Variants in CACNA2D3 observed in about 807,000 individuals in gnomAD.
The protein encoded by CACNA2D3 is voltage-dependent calcium channel subunit alpha-2/delta-3.
A neutral mutation model predicts 160.6 loss-of-function variants in CACNA2D3; 60 were observed. The ratio of observed to expected loss-of-function variants is 0.37; its 90% confidence interval spans 0.30 to 0.46. CACNA2D3 has a LOEUF of 0.46. Ranked by LOEUF, CACNA2D3 falls within the 20% of genes least tolerant of loss-of-function variation. The probability of loss-of-function intolerance (pLI) is 1.00; values close to 1 mark genes in which losing one functional copy is unlikely to be tolerated. For missense variants in CACNA2D3, 1,205 were observed against 1,365.0 expected (o/e 0.88, Z 1.85); for synonymous variants, 558 against 492.9 (o/e 1.13, Z -1.75).
rs192809350 is a variant in CACNA2D3 at position 54,781,637 on chromosome 3, C to T, written c.1380+17286C>T. Among the ~76,000 whole-genome samples, 97 of 152,296 alleles carry T rather than the reference C, an allele frequency of 6.4e-4. 1 individual carries two copies. The highest frequency in any genetic ancestry group is 5.2e-4 in the Admixed American group (8 of 15,300). On this transcript the variant is annotated intron_variant, in intron 13 of 37. Coordinates refer to ENST00000474759, the MANE Select transcript of CACNA2D3 (RefSeq NM_018398.3). ...TTGCAGTGAACAATCCAAGCCAATT[C>T]GGTAATTTGTACATGTTAAAATATT...
intron 35 of CACNA2D3, among the ~76,000 whole-genome samples, chr3:55,056,428 G>T (rs541738110): frequency 6.6e-6 from 1 of 152,068 alleles, no homozygotes; most frequent in Non-Finnish European, 1.5e-5. Context: ...TAGAATTACC[G>T]TAAGTTGTAG....
intron 27 of CACNA2D3, among the ~76,000 whole-genome samples, chr3:54,907,833 C>T (rs1487676082): frequency 6.6e-6 from 1 of 152,062 alleles, no homozygotes; most frequent in Non-Finnish European, 1.5e-5. Context: ...AATATGTGCC[C>T]TTTTGTGACA....
At chr3:54,411,779 A>G (rs1699672180) in intron 4 of CACNA2D3, among the ~76,000 whole-genome samples, 1 of 152,230 alleles carries the variant, frequency 6.6e-6, no homozygotes, top group Non-Finnish European at 1.5e-5. Flanking sequence ...ACGTCATGCT[A>G]AACAAAGGGG....
rs781374820 is a variant in CACNA2D3, at chr3:54,822,802, T to TCCTTCCTTC, written c.1398+5933_1398+5934insCTTCCTTCC. ...TCTTTCTTTCTTTCCTTTCTTTCTT[T>TCCTTCCTTC]CTTTCTTTCTTTCTTTCTTTCTTTC... On this transcript the variant is annotated intron_variant, in intron 14 of 37. Transcript: ENST00000474759. Among the ~76,000 whole-genome samples the TCCTTCCTTC allele has an allele frequency of 1.5e-4, 14 of 92,450 alleles. 1 individual carries two copies. Among genetic ancestry groups the TCCTTCCTTC allele is most frequent in the Non-Finnish European group, 2.6e-4 (12 of 46,970 alleles). The allele number at this position is 92,450 out of a possible 152,430, so 60.7% of individuals were successfully genotyped here.
At chr3:54,354,286 A>G (rs930477709) in intron 3 of CACNA2D3, among the ~76,000 whole-genome samples, 8 of 152,174 alleles carry the variant, frequency 5.3e-5, no homozygotes, top group African/African-American at 1.2e-4. Flanking sequence ...CCAGTTTGCT[A>G]TTGTTTTAAG....
At chr3:54,664,818 C>T (rs555756137) in intron 11 of CACNA2D3, among the ~76,000 whole-genome samples, 1 of 152,252 alleles carries the variant, frequency 6.6e-6, no homozygotes. Context: ...AAGGAGGGAG[C>T]ATGGGGCAAA....
chr3:54,310,748 C>T (rs7616024), intron 2 of CACNA2D3, among the ~76,000 whole-genome samples: 3,014 of 152,266 alleles, frequency 0.02, 46 homozygotes, highest in Admixed American at 0.054. Flanking sequence ...TTACTTCTCC[C>T]ATCACCATTA....
At chr3:54,644,009 T>C (rs566438159) in intron 11 of CACNA2D3, among the ~76,000 whole-genome samples, 35 of 152,126 alleles carry the variant, frequency 2.3e-4, no homozygotes, top group Non-Finnish European at 4.6e-4. Flanking sequence ...AGCAAGTGTT[T>C]TTTCATGTGA....
intron 2 of CACNA2D3, among the ~76,000 whole-genome samples, chr3:54,148,860 C>T (rs1700087877): frequency 6.6e-6 from 1 of 151,560 alleles, no homozygotes; most frequent in Non-Finnish European, 1.5e-5. Context: ...ATCTGTAATC[C>T]CAGCTACTCA....
intron 2 of CACNA2D3, among the ~76,000 whole-genome samples, chr3:54,192,758 G>T (rs1191401964): frequency 6.6e-6 from 1 of 152,054 alleles, no homozygotes; most frequent in East Asian, 1.9e-4. Context: ...TGCCCTCCAG[G>T]TATCTCAGCC....
At chr3:55,050,814 C>T (rs358466) in intron 35 of CACNA2D3, among the ~76,000 whole-genome samples, 7,172 of 111,204 alleles carry the variant, frequency 0.064, 980 homozygotes, top group African/African-American at 0.28. Flanking sequence ...TTTTTATTCT[C>T]TTTTCTCTAA....
intron 2 of CACNA2D3, among the ~76,000 whole-genome samples, chr3:54,247,483 G>A (rs1702103306): frequency 6.6e-6 from 1 of 152,010 alleles, no homozygotes; most frequent in African/African-American, 2.4e-5. Flanking sequence ...AAATATTTTA[G>A]AAATAAAGAT....
intron 27 of CACNA2D3, among the ~76,000 whole-genome samples, chr3:54,950,513 G>T (rs1701732011): frequency 6.6e-6 from 1 of 152,172 alleles, no homozygotes; most frequent in African/African-American, 2.4e-5. Context: ...AAGATGCTTT[G>T]TGCAAGAAGA....
At chr3:54,240,828 G>C (rs1414024873) in intron 2 of CACNA2D3, among the ~76,000 whole-genome samples, 1 of 152,044 alleles carries the variant, frequency 6.6e-6, no homozygotes, top group Non-Finnish European at 1.5e-5. Flanking sequence ...TGCGTCTTCT[G>C]CCTCCCAGGT....
intron 2 of CACNA2D3, among the ~76,000 whole-genome samples, chr3:54,162,912 A>C (rs1700374265): frequency 6.6e-6 from 1 of 152,338 alleles, no homozygotes; most frequent in African/African-American, 2.4e-5. Context: ...AAGAACAATA[A>C]ATAGGGTAAG....
At chr3:54,558,904 T>C (rs1233520603) in intron 5 of CACNA2D3, among the ~76,000 whole-genome samples, 1 of 152,172 alleles carries the variant, frequency 6.6e-6, no homozygotes, top group African/African-American at 2.4e-5. Flanking sequence ...CCTGGTGCTA[T>C]AGTTTCCACT....
At chr3:54,156,455 G>A (rs913354909) in intron 2 of CACNA2D3, among the ~76,000 whole-genome samples, 13 of 152,186 alleles carry the variant, frequency 8.5e-5, no homozygotes, top group African/African-American at 2.4e-4. Flanking sequence ...GAAGGTGAGC[G>A]GATGTGAAGT....
chr3:54,797,085 T>A (rs1389602273), intron 13 of CACNA2D3, among the ~76,000 whole-genome samples: 1 of 152,194 alleles, frequency 6.6e-6, no homozygotes, highest in Non-Finnish European at 1.5e-5. Context: ...TGGACTGTTG[T>A]CATCAGACCA....
chr3:55,037,063 G>T (rs371228000), intron 35 of CACNA2D3, among the ~76,000 whole-genome samples: 1 of 152,030 alleles, frequency 6.6e-6, no homozygotes. Context: ...GGATCTCCTC[G>T]TGTATAACAC....
Sources: allele counts gnomAD v4.1 joint callset (sites outside exome capture counted in the v4.1 genomes callset), GRCh38; gene constraint gnomAD v4.1.1; transcripts MANE v1.5; gene names NCBI Gene and HGNC (gene_info 2026-07-23, HGNC 2026-07-21).